Variants in CELF4 observed in about 807,000 individuals in gnomAD.
CELF4 encodes the protein CUG-BP- and ETR-3-like factor 4.
CELF4 carries 18 observed loss-of-function variants against 59.9 expected under a neutral mutation model. That is an observed-to-expected ratio of 0.30 (90% CI 0.21 to 0.45). The LOEUF (loss-of-function observed/expected upper bound fraction) is 0.45, where lower values mean the gene tolerates loss of function less well. CELF4 is among the 20% of genes least tolerant of loss of function. CELF4 has a pLI of 1.00. For synonymous variants in CELF4, 261 were observed against 267.1 expected, an observed-to-expected ratio of 0.98 and a Z score of 0.22; for missense variants, 456 against 689.0, an observed-to-expected ratio of 0.66 and a Z score of 3.79.
chr18:37,521,922 C>T (rs551361191), intron 1 of CELF4, among the ~76,000 whole-genome samples: 58 of 152,322 alleles, frequency 3.8e-4, no homozygotes, highest in African/African-American at 1.3e-3. Context: ...TCTTAAGTCT[C>T]AAAGGAACTT....
At position 37,309,434 on chromosome 18, in the gene CELF4, A is replaced by G. The variant is rs181429804; in HGVS notation, c.448+12369T>C. On this transcript the variant is annotated intron_variant, in intron 3 of 12. Transcript: ENST00000420428. ...CTGGGGTGACTTAATGAGAGGATTG[A>G]GGCCCCACTGGCTCTATTTACCTTC... Among the ~76,000 whole-genome samples, 44 of 145,718 alleles carry G rather than the reference A, an allele frequency of 3.0e-4. No homozygotes were observed. In the East Asian group the frequency reaches 7.9e-3, roughly 26 times the overall value.
chr18:37,491,164 C>T (rs948531), intron 1 of CELF4, among the ~76,000 whole-genome samples: 24,221 of 92,310 alleles, frequency 0.26, 4,301 homozygotes, highest in Non-Finnish European at 0.38. Flanking sequence ...TCTCCTCACC[C>T]GAGAGGGATG....
intron 2 of CELF4, among the ~76,000 whole-genome samples, chr18:37,471,544 C>T (rs946670226): frequency 3.3e-5 from 5 of 152,220 alleles, no homozygotes; most frequent in South Asian, 2.1e-4. Flanking sequence ...CATCTGGAGC[C>T]CCCTCCATCC....
intron 3 of CELF4, among the ~76,000 whole-genome samples, chr18:37,290,237 AG>A (rs2095242750): frequency 6.6e-6 from 1 of 152,168 alleles, no homozygotes; most frequent in Non-Finnish European, 1.5e-5. Context: ...AGGGCAGTGG[AG>A]CCCCCTGAAC....
At chr18:37,280,166 G>C (rs1445278783) in intron 3 of CELF4, among the ~76,000 whole-genome samples, 3 of 152,180 alleles carry the variant, frequency 2.0e-5, no homozygotes, top group Non-Finnish European at 4.4e-5. Context: ...ACCTGCGCAG[G>C]AGCTGGGGCT....
intron 2 of CELF4, among the ~76,000 whole-genome samples, chr18:37,348,849 G>T (rs1188133967): frequency 6.6e-6 from 1 of 152,140 alleles, no homozygotes; most frequent in South Asian, 2.1e-4. Flanking sequence ...AGAGGGGAGA[G>T]GAAGAAGCAG....
intron 3 of CELF4, among the ~76,000 whole-genome samples, chr18:37,280,932 G>A (rs968402960): frequency 3.9e-5 from 6 of 152,200 alleles, no homozygotes; most frequent in Admixed American, 6.5e-5. Flanking sequence ...GGTGACACCC[G>A]GGGAAGTGAC....
chr18:37,352,409 G>A (rs1236848708), intron 2 of CELF4, among the ~76,000 whole-genome samples: 1 of 152,108 alleles, frequency 6.6e-6, no homozygotes, highest in Non-Finnish European at 1.5e-5. Flanking sequence ...TTGGGAGGGT[G>A]AGGCGGGAGG....
chr18:37,447,888 C>T (rs2099752535), intron 2 of CELF4, among the ~76,000 whole-genome samples: 1 of 152,154 alleles, frequency 6.6e-6, no homozygotes, highest in Non-Finnish European at 1.5e-5. Context: ...AGCCAGATGG[C>T]CAGCACCACT....
At chr18:37,545,640 C>T (rs924256476) in intron 1 of CELF4, among the ~76,000 whole-genome samples, 4 of 151,968 alleles carry the variant, frequency 2.6e-5, no homozygotes, top group South Asian at 4.2e-4. Context: ...CCTCGCTGGT[C>T]GAGTCTGAGC....
chr18:37,398,343 G>C (rs2099271817), intron 2 of CELF4, among the ~76,000 whole-genome samples: 2 of 152,210 alleles, frequency 1.3e-5, no homozygotes, highest in African/African-American at 4.8e-5. Context: ...GGTTTCGGGA[G>C]CAGAACTGTT....
chr18:37,554,434 C>T (rs1455849349), intron 1 of CELF4, among the ~76,000 whole-genome samples: 1 of 152,134 alleles, frequency 6.6e-6, no homozygotes, highest in African/African-American at 2.4e-5. Flanking sequence ...TGAGCTGTTT[C>T]TTATGAGAAG....
intron 2 of CELF4, among the ~76,000 whole-genome samples, chr18:37,408,797 C>A (rs187631667): frequency 6.6e-6 from 1 of 152,296 alleles, no homozygotes; most frequent in East Asian, 1.9e-4. Context: ...TCCCACCACC[C>A]AGCTCTTCAG....
At chr18:37,482,160 G>T (rs1033985618) in intron 2 of CELF4, among the ~76,000 whole-genome samples, 1 of 152,210 alleles carries the variant, frequency 6.6e-6, no homozygotes, top group Admixed American at 6.5e-5. Context: ...TCCAAGCGGG[G>T]AGGTGGATGT....
chr18:37,516,465 G>A (rs1603643187), intron 1 of CELF4, among the ~76,000 whole-genome samples: 1 of 152,232 alleles, frequency 6.6e-6, no homozygotes, highest in African/African-American at 2.4e-5. Flanking sequence ...GGGGAAGACA[G>A]AGCCCTCGCC....
chr18:37,300,594 TC>T (rs2095958090), intron 3 of CELF4, among the ~76,000 whole-genome samples: 1 of 152,156 alleles, frequency 6.6e-6, no homozygotes, highest in Non-Finnish European at 1.5e-5. Context: ...TTTCCTGAGC[TC>T]CTGCTCTGGG....
intron 1 of CELF4, among the ~76,000 whole-genome samples, chr18:37,543,282 G>A (rs1436450147): frequency 1.3e-5 from 2 of 152,084 alleles, no homozygotes; most frequent in Non-Finnish European, 2.9e-5. Flanking sequence ...TTACTCAAAG[G>A]AGTTCCTGGA....
At chr18:37,288,177 C>T (rs192675069) in intron 3 of CELF4, among the ~76,000 whole-genome samples, 6 of 152,336 alleles carry the variant, frequency 3.9e-5, no homozygotes, top group African/African-American at 1.2e-4. Context: ...CCTGAAGATT[C>T]TCTTTGACGT....
intron 2 of CELF4, among the ~76,000 whole-genome samples, chr18:37,342,362 G>T (rs1476639232): frequency 6.6e-6 from 1 of 152,128 alleles, no homozygotes; most frequent in Non-Finnish European, 1.5e-5. Flanking sequence ...TCTCTGAGCA[G>T]GTTAGGCCTG....
Sources: gnomAD v4.1 joint callset for allele counts (sites outside exome capture counted in the v4.1 genomes callset) on GRCh38, gnomAD v4.1.1 for gene constraint, MANE v1.5 for transcripts, NCBI Gene and HGNC (gene_info 2026-07-23, HGNC 2026-07-21) for gene names.